Variants in CHRNA7 observed in about 807,000 individuals in gnomAD.
The protein encoded by CHRNA7 is cholinergic receptor nicotinic alpha 7 subunit.
A neutral mutation model predicts 48.0 loss-of-function variants in CHRNA7; 17 were observed. The ratio of observed to expected loss-of-function variants is 0.35; its 90% confidence interval spans 0.24 to 0.53. The LOEUF (loss-of-function observed/expected upper bound fraction) is 0.53, where lower values mean the gene tolerates loss of function less well. CHRNA7 is among the 20% of genes least tolerant of loss of function. The pLI is 0.92. For missense variants in CHRNA7, 155 were observed against 577.7 expected (o/e 0.27, Z 7.50); for synonymous variants, 75 against 242.3 (o/e 0.31, Z 6.41).
chr15:32,121,762 GAT>G (rs928515821), intron 4 of CHRNA7, among the ~76,000 whole-genome samples: 1 of 152,190 alleles, frequency 6.6e-6, no homozygotes, highest in African/African-American at 2.4e-5. Context: ...TTCATGGAAA[GAT>G]ATGTAAGTTA....
At chr15:32,130,360 G>A (rs2051133521) in intron 4 of CHRNA7, among the ~76,000 whole-genome samples, 1 of 151,872 alleles carries the variant, frequency 6.6e-6, no homozygotes, top group South Asian at 2.1e-4. Flanking sequence ...AAGCTTTCTT[G>A]TTTGAGAAAG....
At chr15:32,131,217 A>G (rs2051151008) in intron 4 of CHRNA7, among the ~76,000 whole-genome samples, 1 of 152,074 alleles carries the variant, frequency 6.6e-6, no homozygotes, top group African/African-American at 2.4e-5. Flanking sequence ...GTAGATGTAT[A>G]TCTTTTGCTA....
intron 2 of CHRNA7, among the ~76,000 whole-genome samples, chr15:32,096,486 G>A (rs2050470871): frequency 1.3e-5 from 2 of 152,238 alleles, no homozygotes; most frequent in South Asian, 4.1e-4. Context: ...GATTAAATTA[G>A]ATAAAAGAAG....
intron 2 of CHRNA7, among the ~76,000 whole-genome samples, chr15:32,038,135 TATAA>T (rs1463373238): frequency 6.9e-6 from 1 of 145,234 alleles, no homozygotes; most frequent in Non-Finnish European, 1.5e-5. Flanking sequence ...TACATTTATG[TATAA>T]ATATGTACAT....
intron 4 of CHRNA7, among the ~76,000 whole-genome samples, chr15:32,140,444 G>A (rs2051357636): frequency 6.6e-6 from 1 of 152,150 alleles, no homozygotes; most frequent in Admixed American, 6.5e-5. Flanking sequence ...CCCAGTAATG[G>A]GATTGCTGGG....
rs2051583042 is a variant in CHRNA7, at chr15:32,149,783, T to C, written c.351-4124T>C. On this transcript the variant is annotated intron_variant, in intron 4 of 9. Coordinates refer to ENST00000306901, the MANE Select transcript of CHRNA7 (RefSeq NM_000746.6). This position sits in a 1 kb window ranked among gnomAD's most constrained non-coding sequence, Gnocchi z 4.6. The stretch of plus-strand genomic sequence containing the variant: ...AAGCTGTTGCTAATAGCAACAGTTT[T>C]TTTATCTTGTTTTTACCTGTTTGCC... Among the ~76,000 whole-genome samples, 1 of 152,136 alleles carries C rather than the reference T, an allele frequency of 6.6e-6. No individual in the cohort carries two copies. The highest frequency in any genetic ancestry group is 2.4e-5 in the African/African-American group (1 of 41,440).
At chr15:32,119,245 G>A (rs925948877) in intron 4 of CHRNA7, among the ~76,000 whole-genome samples, 39 of 152,198 alleles carry the variant, frequency 2.6e-4, no homozygotes, top group African/African-American at 8.7e-4. Context: ...AGTGTGCCTG[G>A]TTGTCTTTGT....
chr15:32,108,744 G>A (rs2050713885), intron 3 of CHRNA7, among the ~76,000 whole-genome samples: 1 of 152,156 alleles, frequency 6.6e-6, no homozygotes, highest in South Asian at 2.1e-4. Flanking sequence ...GTAAAATGGG[G>A]AAATCTCTCT....
chr15:32,052,055 C>G (rs1260621014), intron 2 of CHRNA7, among the ~76,000 whole-genome samples: 2 of 152,158 alleles, frequency 1.3e-5, no homozygotes. Context: ...ATTTTAGCCT[C>G]TTAAGCATTA....
intron 2 of CHRNA7, among the ~76,000 whole-genome samples, chr15:32,080,957 C>T (rs1381773602): frequency 6.6e-6 from 1 of 152,080 alleles, no homozygotes; most frequent in African/African-American, 2.4e-5. Flanking sequence ...ACTACAGAGC[C>T]ATAAAAAGAA....
At chr15:32,106,324 A>AT (rs2050668489) in intron 3 of CHRNA7, among the ~76,000 whole-genome samples, 3 of 152,198 alleles carry the variant, frequency 2.0e-5, no homozygotes, top group Non-Finnish European at 4.4e-5. Context: ...TCTCTAGGGT[A>AT]TTTAAACTCT....
At chr15:32,073,601 T>C (rs543637805) in intron 2 of CHRNA7, among the ~76,000 whole-genome samples, 5 of 152,296 alleles carry the variant, frequency 3.3e-5, no homozygotes, top group African/African-American at 4.8e-5. Context: ...CATGTTGAAA[T>C]GTGATCCTCA....
intron 2 of CHRNA7, among the ~76,000 whole-genome samples, chr15:32,080,985 A>G (rs975749025): frequency 9.9e-5 from 15 of 152,194 alleles, no homozygotes; most frequent in African/African-American, 3.4e-4. Context: ...CATGTCCTCT[A>G]CAGGTACATG....
chr15:32,106,438 C>G (rs1490140153), intron 3 of CHRNA7, among the ~76,000 whole-genome samples: 1 of 152,202 alleles, frequency 6.6e-6, no homozygotes. Flanking sequence ...GTTATTCTTT[C>G]TCCCAGTTGC....
chr15:32,119,635 A>C (rs548152766), intron 4 of CHRNA7, among the ~76,000 whole-genome samples: 2 of 116,424 alleles, frequency 1.7e-5, no homozygotes, highest in Admixed American at 1.7e-4. Flanking sequence ...GAACATTTTA[A>C]AAAAAAATAT....
chr15:32,051,634 G>A (rs555871090), intron 2 of CHRNA7, among the ~76,000 whole-genome samples: 2 of 152,274 alleles, frequency 1.3e-5, no homozygotes, highest in South Asian at 2.1e-4. Flanking sequence ...TGCTTCGGCT[G>A]GTGCATGGTG....
chr15:32,049,370 T>C (rs1352758364), intron 2 of CHRNA7, among the ~76,000 whole-genome samples: 1 of 152,166 alleles, frequency 6.6e-6, no homozygotes, highest in Admixed American at 6.5e-5. Flanking sequence ...TTAGCTCTTC[T>C]TGTTGAATTG....
At chr15:32,075,544 T>C (rs906601197) in intron 2 of CHRNA7, among the ~76,000 whole-genome samples, 2 of 152,074 alleles carry the variant, frequency 1.3e-5, no homozygotes, top group Non-Finnish European at 2.9e-5. Context: ...TGCATTCATA[T>C]CCTCTATTTT....
chr15:32,121,965 C>G (rs1025987986), intron 4 of CHRNA7, among the ~76,000 whole-genome samples: 2 of 152,278 alleles, frequency 1.3e-5, no homozygotes, highest in Admixed American at 1.3e-4. Flanking sequence ...GAAATCTGTC[C>G]CTGACGCCTG....
Sources: allele counts gnomAD v4.1 joint callset (sites outside exome capture counted in the v4.1 genomes callset), GRCh38; gene constraint gnomAD v4.1.1; non-coding constraint Gnocchi (gnomAD v3.1); transcripts MANE v1.5; gene names NCBI Gene and HGNC (gene_info 2026-07-23, HGNC 2026-07-21).